TRMT6: variants seen among roughly 807,000 people sequenced by gnomAD.
TRMT6 encodes tRNA (adenine(58)-N(1))-methyltransferase non-catalytic subunit TRM6.
A neutral mutation model predicts 59.0 loss-of-function variants in TRMT6; 34 were observed. That is an observed-to-expected ratio of 0.58 (90% confidence interval 0.44 to 0.77). The LOEUF (loss-of-function observed/expected upper bound fraction) is 0.77. TRMT6 is among the 30% of genes least tolerant of loss of function. The probability of loss-of-function intolerance (pLI) is 0.00; values close to 1 mark genes in which losing one functional copy is unlikely to be tolerated. For missense variants in TRMT6, 575 were observed against 604.5 expected (o/e 0.95, Z 0.51); for synonymous variants, 217 against 210.5 (o/e 1.03, Z -0.27).
Position 5,942,593 on chromosome 20 carries a change from T to C in TRMT6, c.861A>G (p.Glu287=). Residue 287 remains glutamate (E), a synonymous_variant, in exon 7 of 11, where the codon GAA becomes GAG. Transcript: ENST00000203001. ...GTTTTTCCTCCAGTGTGCCATTACT[T>C]TCTTCAACCAAAGCACTGTCTTTTG... ...SEPKDSALVE[E]SNGTLEEKQA... The C allele has an allele frequency of 6.2e-7, 1 of 1,614,196 alleles. No individual in the cohort carries two copies. The highest frequency in any genetic ancestry group is 8.5e-7 in the Non-Finnish European group (1 of 1,180,028).
At chr20:5,944,778 C>A (rs1173141711) in intron 3 of TRMT6, 27 bp downstream of exon 3, 2 of 1,583,940 alleles carry the variant, frequency 1.3e-6, no homozygotes, top group African/African-American at 2.7e-5. Context: ...CAGACAAAAA[C>A]AAAACTAAAA....
rs1159598320 is a variant in TRMT6 at position 5,937,700 on chromosome 20, G to A, written c.*835C>T. On this transcript the variant is annotated 3_prime_UTR_variant, in exon 11 of 11. Coordinates refer to ENST00000203001, the MANE Select transcript of TRMT6 (RefSeq NM_015939.5). ...CATGTGTACATACATATTCATACAG[G>A]TGGTACAATCTATGTCTCCACTTGC... 1 of 152,150 alleles carries A rather than the reference G, an allele frequency of 6.6e-6. No homozygotes were observed. The highest frequency in any genetic ancestry group is 1.5e-5 in the Non-Finnish European group (1 of 68,036). 9.4% of individuals were successfully genotyped at this position (152,150 alleles called of 1,614,324 possible).
chr20:5,939,205 G>T (rs529681841), intron 10 of TRMT6, among the ~76,000 whole-genome samples: 1 of 152,150 alleles, frequency 6.6e-6, no homozygotes, highest in Non-Finnish European at 1.5e-5. Context: ...AAAACTGGCC[G>T]GGAATGGTGG....
chr20:5,950,526 C>A lies in TRMT6; in HGVS notation c.-121G>T. On this transcript the variant is annotated 5_prime_UTR_variant, in exon 1 of 11. Transcript: ENST00000203001. ...AGCCCTCCGACCGGCACCGCCCCCACGTGTTGCACGCCGCTTCCGCTTTCC... is the reference window on the plus strand; with the variant it reads ...AGCCCTCCGACCGGCACCGCCCCCAAGTGTTGCACGCCGCTTCCGCTTTCC... 1 of 1,152,456 alleles carries A rather than the reference C, an allele frequency of 8.7e-7. No homozygotes were observed. Among genetic ancestry groups the A allele is most frequent in the Admixed American group, 3.3e-5 (1 of 30,266 alleles). 71.4% of individuals were successfully genotyped at this position (1,152,456 alleles called of 1,614,324 possible). A position where few individuals can be genotyped will look rare whatever the true frequency, so the allele number is the denominator to read the frequency against.
At chr20:5,948,340 C>G (rs2088726352) in intron 1 of TRMT6, among the ~76,000 whole-genome samples, 1 of 152,154 alleles carries the variant, frequency 6.6e-6, no homozygotes, top group Non-Finnish European at 1.5e-5. Flanking sequence ...GAGTCTACTT[C>G]TCAGAGAGCC....
In TRMT6 at chr20:5,938,714, G is replaced by C; in HGVS notation, c.1315C>G (p.Arg439Gly). ...WLRNYQVLPD[R>G]SHPKLLMSGG... ...CTCATCAGCAGTTTAGGATGACTTC[G>C]ATCTGGCAAAACCTAATCAAGACAG... Residue 439 changes from arginine (R) to glycine (G), a missense_variant, in exon 11 of 11, where the codon CGA becomes GGA. Transcript: ENST00000203001. The C allele has an allele frequency of 6.2e-7, 1 of 1,614,038 alleles. No homozygotes were observed. The highest frequency in any genetic ancestry group is 8.5e-7 in the Non-Finnish European group (1 of 1,179,974).
intron 10 of TRMT6, among the ~76,000 whole-genome samples, chr20:5,939,395 T>G (rs2088636510): frequency 6.6e-6 from 1 of 150,496 alleles, no homozygotes; most frequent in Non-Finnish European, 1.5e-5. Context: ...GCAGGAGAAT[T>G]GCTTGAACCC....
intron 5 of TRMT6, 125 bp from the exon 6 acceptor site, chr20:5,943,808 T>A (rs2088680756): frequency 1.2e-5 from 19 of 1,524,172 alleles, no homozygotes; most frequent in Non-Finnish European, 1.7e-5. Context: ...GCTTTGGAGG[T>A]GACAGTAAAA....
At chr20:5,950,218 A>C in intron 1 of TRMT6, 60 bp downstream of exon 1, 1 of 1,471,740 alleles carries the variant, frequency 6.8e-7, no homozygotes, top group Non-Finnish European at 9.2e-7. Flanking sequence ...AGAAACCTGG[A>C]GGGAGGGGGT....
At chr20:5,944,113 CA>C in intron 4 of TRMT6, 48 bp downstream of exon 4, 1 of 1,353,136 alleles carries the variant, frequency 7.4e-7, no homozygotes, top group Admixed American at 2.3e-5. Flanking sequence ...ATTTTATAAA[CA>C]TATAAGAAGT....
In TRMT6 at chr20:5,942,459, C is replaced by T. The variant is rs777974643; in HGVS notation, c.995G>A (p.Gly332Glu). The change falls in exon 7 of 11, where the codon GGG becomes GAG. Residue 332 changes from glycine to glutamate, a missense_variant. Coordinates refer to ENST00000203001, the MANE Select transcript of TRMT6 (RefSeq NM_015939.5). ...ETISQDPEHK[G>E]PKERGSKKDY... ...TTTTTTGCTTCCTCTCTCTTTAGGCCCCTTATGTTCTGGATCTTGAGAAAT... is the reference window on the plus strand; with the variant it reads ...TTTTTTGCTTCCTCTCTCTTTAGGCTCCTTATGTTCTGGATCTTGAGAAAT... The T allele has an allele frequency of 1.9e-6, 3 of 1,613,606 alleles. No individual in the cohort carries two copies. Among genetic ancestry groups the T allele is most frequent in the Middle Eastern group, 1.7e-4 (1 of 6,060 alleles).
In TRMT6 at chr20:5,941,280, G is replaced by A. The variant is rs1400730338; in HGVS notation, c.1178C>T (p.Pro393Leu). 1 of 1,614,066 alleles carries A rather than the reference G, an allele frequency of 6.2e-7. No individual in the cohort carries two copies. Among genetic ancestry groups the A allele is most frequent in the Non-Finnish European group, 8.5e-7 (1 of 1,180,028 alleles). The change falls in exon 9 of 11, where the codon CCT (proline) becomes CTT (leucine). Residue 393 changes from proline to leucine, a missense_variant. Physicochemically the swap from Pro to Leu is moderately conservative, Grantham distance 98 (BLOSUM62 -3). Coordinates refer to ENST00000203001, the MANE Select transcript of TRMT6 (RefSeq NM_015939.5). ...LLLSLLDFVAPSRPFVVYCQY... is the reference protein window; with the variant it reads ...LLLSLLDFVALSRPFVVYCQY... ...ACAGTAGACCACAAACGGCCTTGAA[G>A]GGGCCACAAAGTCCAGCAAAGACAG...
Position 5,944,165 on chromosome 20 carries a change from T to C in TRMT6, c.455A>G (p.Lys152Arg). The change falls in exon 4 of 11, where the codon AAA becomes AGA. Residue 152 changes from lysine to arginine, a missense_variant. Transcript: ENST00000203001. ...AQDKYIKKKK[K>R]KYEAIITVVK... ...TTTTAAAATAAAAACTACTTACTTT[T>C]TTTTCTTCTTTTTAATATATTTATC... 3.3e-6 allele frequency: 5 copies of C among 1,496,198 alleles called. No homozygotes were observed. The highest frequency in any genetic ancestry group is 3.6e-6 in the Non-Finnish European group (4 of 1,109,652). 92.7% of individuals were successfully genotyped at this position (1,496,198 alleles called of 1,614,324 possible). A position where few individuals can be genotyped will look rare whatever the true frequency, so the allele number is the denominator to read the frequency against.
Position 5,946,807 on chromosome 20 carries a change from C to T in TRMT6, c.129-274G>A, listed in dbSNP as rs2298177. Among the ~76,000 whole-genome samples, 8 of 152,220 alleles carry T rather than the reference C, an allele frequency of 5.3e-5. No individual in the cohort carries two copies. In the East Asian group the frequency reaches 5.8e-4, roughly 11 times the overall value. ...ACAAATTTCTTGGGCTTGGTCTGAT[C>T]GGCCATTTTATTTGAAAATTATCTA... On this transcript the variant is annotated intron_variant, in intron 1 of 10. Coordinates refer to ENST00000203001, the MANE Select transcript of TRMT6 (RefSeq NM_015939.5).
chr20:5,942,104 C>T, intron 7 of TRMT6, 68 bp from the exon 8 acceptor site: 1 of 1,313,430 alleles, frequency 7.6e-7, no homozygotes, highest in Non-Finnish European at 1.1e-6. Flanking sequence ...AATGCTCTGG[C>T]CTGTCAAAAC....
chr20:5,942,620 C>T lies in TRMT6; in HGVS notation c.834G>A (p.Glu278=), dbSNP rs528940942. ...CTTCAACCAAAGCACTGTCTTTTGG[C>T]TCTGAAGATAACATCTTGGCAGAAA... is the stretch of plus-strand genomic sequence containing the variant. The part of the protein sequence containing the change: ...GTFSAKMLSS[E]PKDSALVEES... The change falls in exon 7 of 11, where the codon GAG becomes GAA. Residue 278 remains glutamate (E), a synonymous_variant. Coordinates refer to ENST00000203001, the MANE Select transcript of TRMT6 (RefSeq NM_015939.5). The T allele has an allele frequency of 5.6e-6, 9 of 1,614,150 alleles. No homozygotes were observed. The South Asian group carries it at 8.8e-5, about 16-fold the overall frequency.
chr20:5,943,743 T>C, intron 5 of TRMT6, 60 bp from the exon 6 acceptor site: 1 of 1,570,186 alleles, frequency 6.4e-7, no homozygotes, highest in South Asian at 1.2e-5. Context: ...ATTTTAATCA[T>C]CATTTTTCAA....
At chr20:5,947,588 T>C (rs1399365098) in intron 1 of TRMT6, among the ~76,000 whole-genome samples, 2 of 152,220 alleles carry the variant, frequency 1.3e-5, no homozygotes, top group Non-Finnish European at 2.9e-5. Context: ...TGATCGTAAG[T>C]GATTCAGATA....
rs776554225 is a variant in TRMT6 at position 5,950,379 on chromosome 20, G to A, written c.27C>T (p.Gly9=). 4.4e-6 allele frequency: 7 copies of A among 1,606,670 alleles called. No individual in the cohort carries two copies. The highest frequency in any genetic ancestry group is 5.9e-6 in the Non-Finnish European group (7 of 1,179,758). Residue 9 remains glycine (G), a synonymous_variant, in exon 1 of 11, where the codon GGC becomes GGT. Coordinates refer to ENST00000203001, the MANE Select transcript of TRMT6 (RefSeq NM_015939.5). ...GGTCTCCGGGATGCTGTGGTTGTGG[G>A]CCCGGCTGCTCCCCTGAGCCCTCCA... MEGSGEQP[G]PQPQHPGDHR... is the part of the protein sequence containing the mutation.
Sources: gnomAD v4.1 joint callset for allele counts (sites outside exome capture counted in the v4.1 genomes callset) on GRCh38, gnomAD v4.1.1 for gene constraint, MANE v1.5 for transcripts, NCBI Gene and HGNC (gene_info 2026-07-23, HGNC 2026-07-21) for gene names.